PHF20: variants seen among roughly 807,000 people sequenced by gnomAD.
The protein encoded by PHF20 is PHD finger protein 20.
PHF20 carries 23 observed loss-of-function variants against 113.5 expected under a neutral mutation model. The observed-to-expected ratio is 0.20, with a 90% CI of 0.15 to 0.29. The LOEUF (loss-of-function observed/expected upper bound fraction) is 0.29, where lower values mean the gene tolerates loss of function less well. PHF20 is among the 10% of genes least tolerant of loss of function. PHF20 has a pLI of 1.00. For synonymous variants in PHF20, 434 were observed against 457.3 expected, an observed-to-expected ratio of 0.95 and a Z score of 0.65; for missense variants, 943 against 1,219.6, an observed-to-expected ratio of 0.77 and a Z score of 3.38.
intron 10 of PHF20, 113 bp from the exon 11 acceptor site, chr20:35,913,136 C>G: frequency 1.8e-6 from 1 of 553,350 alleles, no homozygotes; most frequent in Admixed American, 2.6e-5. Context: ...GCAATCTGCT[C>G]CAGACTTCCC....
chr20:35,930,415 C>T (rs1055647777), intron 14 of PHF20, among the ~76,000 whole-genome samples: 1 of 152,030 alleles, frequency 6.6e-6, no homozygotes, highest in Non-Finnish European at 1.5e-5. Context: ...ATTGATAAGA[C>T]GACTTGAGGC....
chr20:35,827,654 G>A lies in PHF20; in HGVS notation c.84-14919G>A, dbSNP rs146616358. The stretch of plus-strand genomic sequence containing the variant: ...AAAAAATTGGCTGGGCGTGGTGGCG[G>A]GTGCCTGTAGTCCAGCTACTCGGGA... On this transcript the variant is annotated intron_variant, in intron 2 of 17. Coordinates refer to ENST00000374012, the MANE Select transcript of PHF20 (RefSeq NM_016436.5). Among the ~76,000 whole-genome samples, 1,462 of 152,028 alleles carry A rather than the reference G, an allele frequency of 9.6e-3. 15 individuals carry two copies. The highest frequency in any genetic ancestry group is 0.039 in the East Asian group (198 of 5,118).
At chr20:35,824,152 G>T (rs1180281868) in intron 2 of PHF20, among the ~76,000 whole-genome samples, 3 of 152,146 alleles carry the variant, frequency 2.0e-5, no homozygotes, top group African/African-American at 7.2e-5. Flanking sequence ...AACTTTTTCA[G>T]AGTCTCTGTA....
chr20:35,887,116 A>G (rs6058344), intron 9 of PHF20, among the ~76,000 whole-genome samples: 37,929 of 152,138 alleles, frequency 0.25, 5,533 homozygotes, highest in African/African-American at 0.41. Context: ...TCTAAGCCAA[A>G]TTTCAGAAAA....
At chr20:35,861,151 G>GTTT (rs200515259) in intron 5 of PHF20, among the ~76,000 whole-genome samples, 2 of 142,166 alleles carry the variant, frequency 1.4e-5, no homozygotes, top group Non-Finnish European at 3.1e-5. Context: ...AATAGATTGA[G>GTTT]TTTTTTTTTT....
intron 1 of PHF20, among the ~76,000 whole-genome samples, chr20:35,797,424 G>T (rs2041687419): frequency 6.7e-6 from 1 of 150,074 alleles, no homozygotes; most frequent in Non-Finnish European, 1.5e-5. Context: ...TGAGGTGGGA[G>T]AATTGCTTGA....
intron 2 of PHF20, among the ~76,000 whole-genome samples, chr20:35,813,205 C>T (rs971771025): frequency 2.6e-5 from 4 of 151,500 alleles, no homozygotes; most frequent in Non-Finnish European, 2.9e-5. Flanking sequence ...CTCCTGGCCT[C>T]GTGATCTGCC....
chr20:35,847,719 G>C (rs141395646), intron 4 of PHF20, among the ~76,000 whole-genome samples: 1,608 of 152,282 alleles, frequency 0.011, 12 homozygotes, highest in Non-Finnish European at 0.016. Flanking sequence ...GGTACTTGCT[G>C]TCTAGGAGTT....
chr20:35,845,493 G>T, intron 3 of PHF20: 1 of 235,908 alleles, frequency 4.2e-6, no homozygotes, highest in Non-Finnish European at 9.2e-6. Context: ...AGCCTCCTGA[G>T]TACCTGGGAC....
Position 35,900,664 on chromosome 20 carries a change from G to A in PHF20, c.1561+1016G>A, listed in dbSNP as rs541493476. On this transcript the variant is annotated intron_variant, in intron 10 of 17. Coordinates refer to ENST00000374012, the MANE Select transcript of PHF20 (RefSeq NM_016436.5). The stretch of plus-strand genomic sequence containing the variant: ...GCCTTACTTAACATGGTGAAACCCC[G>A]TCTCTACTAAATATACAAAAAAATT... Among the ~76,000 whole-genome samples the A allele has an allele frequency of 5.4e-4, 82 of 152,080 alleles. 1 individual carries two copies. The South Asian group carries it at 0.012, about 23-fold the overall frequency.
chr20:35,919,071 A>C lies in PHF20; in HGVS notation c.2004+1409A>C, dbSNP rs563637947. Reference sequence around the variant, plus strand: ...GCACTTGTTTCCCAGGCTGGAGTGCAATGGCGCGATTTCGGCTCACCACCA... The same window carrying C: ...GCACTTGTTTCCCAGGCTGGAGTGCCATGGCGCGATTTCGGCTCACCACCA... On this transcript the variant is annotated intron_variant, in intron 13 of 17. Transcript: ENST00000374012. 2.6e-5 allele frequency among the ~76,000 whole-genome samples: 4 copies of C among 152,018 alleles called. No homozygotes were observed. In the South Asian group the frequency reaches 6.2e-4, roughly 24 times the overall value.
chr20:35,777,559 T>G (rs1303563928), intron 1 of PHF20, among the ~76,000 whole-genome samples: 1 of 152,238 alleles, frequency 6.6e-6, no homozygotes, highest in Non-Finnish European at 1.5e-5. Flanking sequence ...CTTACGCCTG[T>G]AATCCCAACA....
chr20:35,875,111 A>T (rs1254937017), intron 9 of PHF20, among the ~76,000 whole-genome samples: 1 of 151,774 alleles, frequency 6.6e-6, no homozygotes, highest in Non-Finnish European at 1.5e-5. Context: ...ATATTTTAAA[A>T]AATTGGCCAG....
At chr20:35,905,313 G>A (rs914209007) in intron 10 of PHF20, among the ~76,000 whole-genome samples, 1 of 152,184 alleles carries the variant, frequency 6.6e-6, no homozygotes, top group Non-Finnish European at 1.5e-5. Flanking sequence ...AGAGGAGAAG[G>A]TGACATTTGA....
At chr20:35,838,380 T>G (rs2042478044) in intron 2 of PHF20, 1 of 152,108 alleles carries the variant, frequency 6.6e-6, no homozygotes, top group Non-Finnish European at 1.5e-5. Context: ...CAGTTCCCCT[T>G]CCGGGAGGCA....
chr20:35,904,767 C>CTCCTCTTTCCTTCCTTCCT (rs371026258), intron 10 of PHF20, among the ~76,000 whole-genome samples: 5 of 125,614 alleles, frequency 4.0e-5, no homozygotes, highest in Admixed American at 2.4e-4. Context: ...GATTTCTTTT[C>CTCCTCTTTCCTTCCTTCCT]TCCTTCCTTC....
At chr20:35,887,707 T>A (rs1281455443) in intron 9 of PHF20, 1 of 151,242 alleles carries the variant, frequency 6.6e-6, no homozygotes, top group East Asian at 1.9e-4. Flanking sequence ...ATCTGAGGCA[T>A]GATTATTAAA....
intron 15 of PHF20, among the ~76,000 whole-genome samples, chr20:35,936,591 C>T (rs899005968): frequency 2.0e-5 from 3 of 152,110 alleles, no homozygotes; most frequent in African/African-American, 7.2e-5. Flanking sequence ...TAATAACAAA[C>T]TTTTTTCTTT....
At chr20:35,939,237 G>T (rs2147128295) in intron 16 of PHF20, 129 bp downstream of exon 16, 1 of 1,167,104 alleles carries the variant, frequency 8.6e-7, no homozygotes. Flanking sequence ...CCATAGATAT[G>T]TTTTGGTTTG....
Sources: gnomAD v4.1 joint callset for allele counts (sites outside exome capture counted in the v4.1 genomes callset) on GRCh38, gnomAD v4.1.1 for gene constraint, MANE v1.5 for transcripts, NCBI Gene and HGNC (gene_info 2026-07-23, HGNC 2026-07-21) for gene names.